FSD1L: variants seen among roughly 807,000 people sequenced by gnomAD.
FSD1L encodes the protein FSD1-like protein.
A neutral mutation model predicts 71.6 loss-of-function variants in FSD1L; 45 were observed. That is an observed-to-expected ratio of 0.63 (90% CI 0.49 to 0.81). The LOEUF (loss-of-function observed/expected upper bound fraction) is 0.81, where lower values mean the gene tolerates loss of function less well. Ranked by LOEUF, FSD1L falls within the 30% of genes least tolerant of loss-of-function variation. FSD1L has a pLI of 0.00. For missense variants in FSD1L, 561 were observed against 618.1 expected, an observed-to-expected ratio of 0.91 and a Z score of 0.98; for synonymous variants, 197 against 207.2, an observed-to-expected ratio of 0.95 and a Z score of 0.42.
chr9:105,509,678 A>C (rs1050472102), intron 9 of FSD1L, among the ~76,000 whole-genome samples: 4 of 152,250 alleles, frequency 2.6e-5, no homozygotes, highest in Non-Finnish European at 4.4e-5. Context: ...TAAGTTATTG[A>C]TGAGACAAAC....
chr9:105,461,546 T>TA lies in FSD1L; in HGVS notation c.43dup (p.Thr15AsnfsTer3), dbSNP rs1830698760. ...ACTGCTTTAAGGAGAATGAAAACGT[T>TA]ACAGTTGATAAAGCCTGTTTTCTGA... On this transcript the variant is annotated frameshift_variant, in exon 2 of 14. Coordinates refer to ENST00000481272, the MANE Select transcript of FSD1L (RefSeq NM_001145313.3). LOFTEE classifies it high-confidence loss of function. 44 of 1,551,356 alleles carry TA rather than the reference T, an allele frequency of 2.8e-5. No homozygotes were observed. The highest frequency in any genetic ancestry group is 3.8e-5 in the Non-Finnish European group (43 of 1,146,478).
intron 10 of FSD1L, chr9:105,523,778 A>G: frequency 6.3e-7 from 1 of 1,597,354 alleles, no homozygotes; most frequent in Non-Finnish European, 8.6e-7. Context: ...TCTACAATAT[A>G]ATGCATTGTG....
At chr9:105,516,945 T>C (rs1385872627) in intron 10 of FSD1L, among the ~76,000 whole-genome samples, 1 of 152,116 alleles carries the variant, frequency 6.6e-6, no homozygotes, top group Admixed American at 6.5e-5. Context: ...TTAGATGAAT[T>C]GCTAACTAGA....
intron 5 of FSD1L, among the ~76,000 whole-genome samples, chr9:105,478,452 G>T (rs1049828023): frequency 2.0e-5 from 3 of 152,098 alleles, no homozygotes; most frequent in Non-Finnish European, 2.9e-5. Context: ...AAGCATTTTT[G>T]CTAGGCACTG....
chr9:105,492,886 A>AT (rs1208600542), intron 7 of FSD1L, among the ~76,000 whole-genome samples: 17 of 151,984 alleles, frequency 1.1e-4, no homozygotes, highest in Admixed American at 9.8e-4. Flanking sequence ...AATTTCTGAT[A>AT]TTTTACATTT....
At chr9:105,543,308 G>T (rs1249087593) in intron 13 of FSD1L, among the ~76,000 whole-genome samples, 2 of 152,104 alleles carry the variant, frequency 1.3e-5, no homozygotes. Context: ...TACGGTAGTT[G>T]ATGATAGTGT....
At chr9:105,466,063 A>G (rs888650898) in intron 3 of FSD1L, among the ~76,000 whole-genome samples, 1 of 152,218 alleles carries the variant, frequency 6.6e-6, no homozygotes, top group Non-Finnish European at 1.5e-5. Flanking sequence ...ACAGAATGCA[A>G]TATCAACACA....
chr9:105,531,859 A>G (rs1835914101), intron 10 of FSD1L, among the ~76,000 whole-genome samples: 1 of 152,194 alleles, frequency 6.6e-6, no homozygotes, highest in Admixed American at 6.5e-5. Context: ...GTTATAATTT[A>G]TATACCGTGT....
intron 4 of FSD1L, among the ~76,000 whole-genome samples, 176 bp from the exon 5 acceptor site, chr9:105,471,728 A>ATATATATT (rs1831482586): frequency 7.4e-6 from 1 of 134,420 alleles, no homozygotes; most frequent in Non-Finnish European, 1.5e-5. Flanking sequence ...CACGTTTTAT[A>ATATATATT]TATATATATA....
At chr9:105,487,619 C>A (rs1039766906) in intron 7 of FSD1L, among the ~76,000 whole-genome samples, 31 of 152,064 alleles carry the variant, frequency 2.0e-4, no homozygotes, top group African/African-American at 7.5e-4. Context: ...AGGGTAGGAC[C>A]TTTTAATGTA....
chr9:105,457,879 C>G (rs957412925), intron 1 of FSD1L, among the ~76,000 whole-genome samples: 3 of 152,210 alleles, frequency 2.0e-5, no homozygotes, highest in African/African-American at 7.2e-5. Context: ...TGGCTCCATG[C>G]GAGGCTGCAG....
At chr9:105,520,556 A>T (rs1835080917) in intron 10 of FSD1L, 4 of 1,276,678 alleles carry the variant, frequency 3.1e-6, no homozygotes, top group Admixed American at 1.7e-5. Flanking sequence ...AGAATTCATC[A>T]GCCATGGCAG....
rs115788056 is a variant in FSD1L at position 105,548,831 on chromosome 9, G to A, written c.*2348G>A. ...AGTCTGAGGATTTCTTCTTACTGGCGTTCTTAAAGGTCTCTAAAATTAAAG... is the reference window on the plus strand; with the variant it reads ...AGTCTGAGGATTTCTTCTTACTGGCATTCTTAAAGGTCTCTAAAATTAAAG... On this transcript the variant is annotated 3_prime_UTR_variant, in exon 14 of 14. Transcript: ENST00000481272. 5 of 151,968 alleles carry A rather than the reference G, an allele frequency of 3.3e-5. No homozygotes were observed. Among genetic ancestry groups the A allele is most frequent in the African/African-American group, 1.2e-4 (5 of 41,476 alleles). The allele number at this position is 151,968 out of a possible 1,614,324, so 9.4% of individuals were successfully genotyped here.
intron 7 of FSD1L, among the ~76,000 whole-genome samples, chr9:105,504,052 T>G (rs1833918058): frequency 6.6e-6 from 1 of 152,234 alleles, no homozygotes; most frequent in Non-Finnish European, 1.5e-5. Flanking sequence ...AAGTGACTTT[T>G]TTTATACCAA....
At chr9:105,479,436 G>C (rs925937392) in intron 6 of FSD1L, 60 bp downstream of exon 6, 3 of 1,381,294 alleles carry the variant, frequency 2.2e-6, no homozygotes, top group Non-Finnish European at 9.9e-7. Flanking sequence ...ATGAAATTCA[G>C]AAATAGTTTT....
chr9:105,535,803 A>T (rs955039855), intron 12 of FSD1L, among the ~76,000 whole-genome samples: 1 of 152,226 alleles, frequency 6.6e-6, no homozygotes, highest in Admixed American at 6.5e-5. Flanking sequence ...AAATTAAAAA[A>T]AAATTCAAGA....
intron 10 of FSD1L, among the ~76,000 whole-genome samples, chr9:105,513,949 A>G (rs1352698859): frequency 6.6e-6 from 1 of 152,176 alleles, no homozygotes; most frequent in Non-Finnish European, 1.5e-5. Context: ...TGTACTGAAT[A>G]ATATTCGTTA....
intron 7 of FSD1L, among the ~76,000 whole-genome samples, chr9:105,489,099 A>G (rs1832747492): frequency 6.6e-6 from 1 of 152,158 alleles, no homozygotes; most frequent in Non-Finnish European, 1.5e-5. Flanking sequence ...TATTATAAAT[A>G]GACTCTCAGA....
chr9:105,444,444 A>T (rs1199457790), upstream of FSD1L, among the ~76,000 whole-genome samples: 1 of 152,074 alleles, frequency 6.6e-6, no homozygotes, highest in East Asian at 1.9e-4. Flanking sequence ...CCCTATACTG[A>T]CTCCCAAAGG....
Sources: allele counts gnomAD v4.1 joint callset (sites outside exome capture counted in the v4.1 genomes callset), GRCh38; gene constraint gnomAD v4.1.1; transcripts MANE v1.5; gene names NCBI Gene and HGNC (gene_info 2026-07-23, HGNC 2026-07-21).